Variants in HECTD4 observed in about 807,000 individuals in gnomAD.
HECTD4 encodes HECT domain E3 ubiquitin protein ligase 4.
Under a neutral mutation model 471.5 loss-of-function variants are expected in HECTD4, and 114 were observed. The ratio of observed to expected loss-of-function variants is 0.24; its 90% CI spans 0.21 to 0.28. The LOEUF (loss-of-function observed/expected upper bound fraction) is 0.28, where lower values mean the gene tolerates loss of function less well. Among genes scored for constraint, HECTD4 ranks in the 10% least tolerant of loss-of-function variants. The pLI, the probability that HECTD4 is intolerant of heterozygous loss-of-function variation, is 1.00. For synonymous variants in HECTD4, 2,012 were observed against 2,256.0 expected (o/e 0.89, Z 3.07); for missense variants, 3,866 against 5,651.5 (o/e 0.68, Z 10.13).
At chr12:112,261,637 C>T in intron 17 of HECTD4, 1 of 474,146 alleles carries the variant, frequency 2.1e-6, no homozygotes, top group Non-Finnish European at 3.8e-6. Flanking sequence ...ATTTGGGAGG[C>T]CAAGGTCTGG....
chr12:112,281,679 C>G (rs1206440009), intron 8 of HECTD4, among the ~76,000 whole-genome samples: 1 of 152,188 alleles, frequency 6.6e-6, no homozygotes, highest in African/African-American at 2.4e-5. Flanking sequence ...AAATAAAATA[C>G]TGTCCTTAAA....
chr12:112,363,894 T>C (rs764236676), intron 1 of HECTD4, among the ~76,000 whole-genome samples: 24 of 148,304 alleles, frequency 1.6e-4, no homozygotes, highest in Non-Finnish European at 2.8e-4. Flanking sequence ...GAGAATTGCT[T>C]GAACCTGGGA....
At chr12:112,253,828 T>C (rs1454045648) in intron 22 of HECTD4, among the ~76,000 whole-genome samples, 2 of 152,132 alleles carry the variant, frequency 1.3e-5, no homozygotes, top group Admixed American at 6.5e-5. Flanking sequence ...ATGGAGTAAC[T>C]TGTGAAAGGG....
intron 5 of HECTD4, among the ~76,000 whole-genome samples, 156 bp from the exon 6 acceptor site, chr12:112,309,047 A>G (rs2035324728): frequency 6.6e-6 from 1 of 152,230 alleles, no homozygotes; most frequent in Non-Finnish European, 1.5e-5. Context: ...CATTAACTTC[A>G]GGACTGCCAA....
chr12:112,335,163 CACAG>C (rs1426746544), intron 1 of HECTD4, among the ~76,000 whole-genome samples: 8 of 152,106 alleles, frequency 5.3e-5, no homozygotes, highest in African/African-American at 9.6e-5. Flanking sequence ...CACACACACA[CACAG>C]ACACACACAC....
rs1292077351 is a variant in HECTD4 at position 112,162,539 on chromosome 12, C to T, written c.13121-16G>A. The T allele has an allele frequency of 6.2e-7, 1 of 1,613,724 alleles. No homozygotes were observed. Among genetic ancestry groups the T allele is most frequent in the African/African-American group, 1.3e-5 (1 of 74,934 alleles). On this transcript the variant is annotated splice_polypyrimidine_tract_variant and intron_variant, in intron 75 of 75. Transcript: ENST00000682272. The surrounding 1 kb of genome is among the most constrained non-coding windows in gnomAD (Gnocchi z 5.2). ...TCTGGGGAACCTACAAGAAACCGAG[C>T]CAGCATCAGAGGGTTGGGCCCACAT...
At chr12:112,349,981 G>T (rs950798696) in intron 1 of HECTD4, among the ~76,000 whole-genome samples, 2 of 151,726 alleles carry the variant, frequency 1.3e-5, no homozygotes, top group African/African-American at 4.8e-5. Flanking sequence ...TTGAGACAGG[G>T]CCTCATTCTG....
intron 1 of HECTD4, among the ~76,000 whole-genome samples, chr12:112,357,619 C>T (rs1216165785): frequency 6.6e-6 from 1 of 152,078 alleles, no homozygotes; most frequent in African/African-American, 2.4e-5. Context: ...AAGCCTAAGT[C>T]ATGAAAGAAA....
chr12:112,382,164 G>A lies in HECTD4; in HGVS notation c.-36C>T. The A allele has an allele frequency of 2.5e-6, 3 of 1,213,890 alleles. No individual in the cohort carries two copies. The highest frequency in any genetic ancestry group is 3.1e-6 in the Non-Finnish European group (3 of 976,928). 75.2% of individuals were successfully genotyped at this position (1,213,890 alleles called of 1,614,324 possible). ...GAAGGCTTGGCGCTGAGGAGCAGAC[G>A]CCCGGCCGGGGGAAACGGAGCAGGA... On this transcript the variant is annotated 5_prime_UTR_variant, in exon 1 of 76. Coordinates refer to ENST00000682272, the MANE Select transcript of HECTD4 (RefSeq NM_001388303.1).
In HECTD4 at chr12:112,228,082, T is replaced by C; in HGVS notation, c.6854+7A>G. On this transcript the variant is annotated splice_region_variant and intron_variant, in intron 43 of 75. Coordinates refer to ENST00000682272, the MANE Select transcript of HECTD4 (RefSeq NM_001388303.1). The surrounding 1 kb of genome is among the most constrained non-coding windows in gnomAD (Gnocchi z 4.9). ...AGCACATAAGGCAATGTGGGGAGGG[T>C]ACTCACCTTGTCCTTATTTCAGCAA... 1 of 1,604,930 alleles carries C rather than the reference T, an allele frequency of 6.2e-7. No individual in the cohort carries two copies. The highest frequency in any genetic ancestry group is 8.5e-7 in the Non-Finnish European group (1 of 1,175,992).
At position 112,176,704 on chromosome 12, in the gene HECTD4, T is replaced by C. The variant is rs980968146; in HGVS notation, c.11364-2A>G. 5.0e-6 allele frequency: 8 copies of C among 1,607,860 alleles called. No homozygotes were observed. Among genetic ancestry groups the C allele is most frequent in the African/African-American group, 1.3e-5 (1 of 74,806 alleles). ...TTCTTCTCACTTAAGGCAGTCCTGCTGTAGACCAAAGCACTGGAATTAGAC... is the reference window on the plus strand; with the variant it reads ...TTCTTCTCACTTAAGGCAGTCCTGCCGTAGACCAAAGCACTGGAATTAGAC... On this transcript the variant is annotated splice_acceptor_variant, in intron 64 of 75. Transcript: ENST00000682272. LOFTEE classifies it high-confidence loss of function.
At chr12:112,233,212 AGCTT>A in intron 37 of HECTD4, 127 bp from the exon 38 acceptor site, 4 of 375,946 alleles carry the variant, frequency 1.1e-5, no homozygotes, top group Non-Finnish European at 1.9e-5. Flanking sequence ...CACTAACATT[AGCTT>A]TTTTTTTTTT....
At chr12:112,178,610 G>T (rs757426449) in intron 64 of HECTD4, among the ~76,000 whole-genome samples, 1 of 152,176 alleles carries the variant, frequency 6.6e-6, no homozygotes, top group East Asian at 1.9e-4. Context: ...CAGGCTGATC[G>T]CTTGAGCCTA....
chr12:112,248,570 G>A (rs1680451983), intron 25 of HECTD4, 58 bp from the exon 26 acceptor site: 1 of 1,121,174 alleles, frequency 8.9e-7, no homozygotes, highest in Non-Finnish European at 1.2e-6. Flanking sequence ...TCTCAATACT[G>A]TATTTTATTT....
chr12:112,167,897 G>A lies in HECTD4; in HGVS notation c.12229C>T (p.Leu4077=). The A allele has an allele frequency of 6.2e-7, 1 of 1,613,372 alleles. No individual in the cohort carries two copies. The highest frequency in any genetic ancestry group is 8.5e-7 in the Non-Finnish European group (1 of 1,179,832). ...HGTSGSFRHF[L]WQVCKELQSS... is the part of the protein sequence containing the mutation. The stretch of plus-strand genomic sequence containing the variant: ...TGCAGCTCCTTACACACCTGCCACA[G>A]GAAGTGGCGGAAAGAGCCGCCTGTA... The change falls in exon 71 of 76, where the codon CTG becomes TTG. Residue 4077 remains leucine (L), a synonymous_variant. Coordinates refer to ENST00000682272, the MANE Select transcript of HECTD4 (RefSeq NM_001388303.1).
intron 45 of HECTD4, among the ~76,000 whole-genome samples, chr12:112,218,508 A>T (rs1478041644): frequency 6.6e-6 from 1 of 152,166 alleles, no homozygotes; most frequent in East Asian, 1.9e-4. Flanking sequence ...TTTATATAAG[A>T]TGTGGTCTTT....
chr12:112,321,645 T>C (rs2035585668), intron 1 of HECTD4: 3 of 152,196 alleles, frequency 2.0e-5, no homozygotes, highest in Non-Finnish European at 4.4e-5. Flanking sequence ...ATTTTGCCTT[T>C]AGAAACTTGT....
At chr12:112,211,125 G>A (rs2032748341) in intron 49 of HECTD4, among the ~76,000 whole-genome samples, 1 of 152,164 alleles carries the variant, frequency 6.6e-6, no homozygotes, top group Non-Finnish European at 1.5e-5. Flanking sequence ...GCCGAGGTGG[G>A]CGGATCATGA....
At chr12:112,231,108 GC>G in intron 39 of HECTD4, 2 of 462,366 alleles carry the variant, frequency 4.3e-6, no homozygotes, top group Non-Finnish European at 7.7e-6. Flanking sequence ...TGGCTTTCAA[GC>G]ACAAAACACC....
Sources: allele counts gnomAD v4.1 joint callset (sites outside exome capture counted in the v4.1 genomes callset), GRCh38; gene constraint gnomAD v4.1.1; non-coding constraint Gnocchi (gnomAD v3.1); transcripts MANE v1.5; gene names NCBI Gene and HGNC (gene_info 2026-07-23, HGNC 2026-07-21).